Variants in BRWD3 observed in about 807,000 individuals in gnomAD.
BRWD3 encodes the protein bromodomain and WD repeat domain containing 3, also known as bromodomain and WD repeat-containing protein 3.
In BRWD3, 10 loss-of-function variants were observed where a neutral mutation model predicts 149.7. The ratio of observed to expected loss-of-function variants is 0.07; its 90% CI spans 0.04 to 0.11. The LOEUF (loss-of-function observed/expected upper bound fraction) is 0.11. BRWD3 is among the 10% of genes least tolerant of loss of function. The pLI is 1.00. For synonymous variants in BRWD3, 504 were observed against 456.7 expected, an observed-to-expected ratio of 1.10 and a Z score of -1.32; for missense variants, 940 against 1,373.2, an observed-to-expected ratio of 0.68 and a Z score of 4.99.
At chrX:80,724,517 G>A (rs182833269) in intron 15 of BRWD3, among the ~76,000 whole-genome samples, 118 of 111,362 alleles carry the variant, frequency 1.1e-3, no homozygotes, top group Non-Finnish European at 1.6e-3. Flanking sequence ...AAGAACATCC[G>A]TATCTCCAAG....
intron 12 of BRWD3, among the ~76,000 whole-genome samples, chrX:80,732,022 C>T (rs192977574): frequency 9.0e-6 from 1 of 110,918 alleles, no homozygotes; most frequent in East Asian, 2.8e-4. Context: ...CACACCTGGC[C>T]TCTTGTGATG....
In BRWD3 at chrX:80,716,179, T is replaced by C; in HGVS notation, c.2303A>G (p.Lys768Arg). The C allele has an allele frequency of 1.7e-6, 2 of 1,207,653 alleles. No homozygotes were observed. The highest frequency in any genetic ancestry group is 2.2e-6 in the Non-Finnish European group (2 of 892,214). ...ISLYTVEKKK[K>R]PSYTTQRNDY... The stretch of plus-strand genomic sequence containing the variant: ...TACCCTTTGAGTAGTGTAAGATGGC[T>C]TTTTCTTCTTTTCAACTGTATAAAG... The change falls in exon 20 of 41, where the codon AAG (lysine) becomes AGG (arginine). Residue 768 changes from lysine to arginine, a missense_variant. Lys to Arg is a conservative substitution (Grantham distance 26, BLOSUM62 2). Transcript: ENST00000373275.
chrX:80,707,254 G>A (rs769690356), intron 22 of BRWD3, among the ~76,000 whole-genome samples, 173 bp downstream of exon 22: 31 of 113,085 alleles, frequency 2.7e-4, no homozygotes, highest in African/African-American at 9.3e-4. Flanking sequence ...CCACAGTGAC[G>A]TCAGAAAGGT....
In BRWD3 at chrX:80,738,399, C is replaced by T. The variant is rs769196998; in HGVS notation, c.814-2311G>A. 9.0e-5 allele frequency among the ~76,000 whole-genome samples: 10 copies of T among 111,643 alleles called. No individual in the cohort carries two copies. In the South Asian group the frequency reaches 2.2e-3, roughly 25 times the overall value. On this transcript the variant is annotated intron_variant, in intron 8 of 40. Coordinates refer to ENST00000373275, the MANE Select transcript of BRWD3 (RefSeq NM_153252.5). ...GTGGAAAAACAGAAAAAAAGTAACA[C>T]GTAATTCTGCCATTCAGTGGTAACC... is the stretch of plus-strand genomic sequence containing the variant.
intron 6 of BRWD3, among the ~76,000 whole-genome samples, chrX:80,763,289 AGGCTG>A (rs1429419123): frequency 9.0e-6 from 1 of 111,643 alleles, no homozygotes; most frequent in East Asian, 2.8e-4. Flanking sequence ...CTTGTTTCAA[AGGCTG>A]ATCTCTTTGC....
At chrX:80,777,754 C>T (rs958322711) in intron 6 of BRWD3, among the ~76,000 whole-genome samples, 2 of 111,034 alleles carry the variant, frequency 1.8e-5, no homozygotes, top group Admixed American at 9.7e-5. Flanking sequence ...TATCTGTTAC[C>T]TGCAATCATT....
At chrX:80,759,349 T>C (rs1248870976) in intron 6 of BRWD3, among the ~76,000 whole-genome samples, 1 of 111,929 alleles carries the variant, frequency 8.9e-6, no homozygotes, top group Non-Finnish European at 1.9e-5. Context: ...ATTTGCCTAC[T>C]GGGCCATTTC....
intron 4 of BRWD3, among the ~76,000 whole-genome samples, chrX:80,797,520 T>A (rs1012144276): frequency 8.9e-6 from 1 of 111,931 alleles, no homozygotes; most frequent in Non-Finnish European, 1.9e-5. Context: ...CTTAAACTGA[T>A]ATCTTAAGCT....
chrX:80,697,728 T>C (rs972917461), intron 25 of BRWD3, among the ~76,000 whole-genome samples: 2 of 112,204 alleles, frequency 1.8e-5, no homozygotes, highest in Admixed American at 1.9e-4. Flanking sequence ...CTGACGGGCA[T>C]CTAGATTGAT....
rs2073072822 is a variant in BRWD3 at position 80,716,253 on chromosome X, A to G, written c.2232-3T>C. 7 of 1,179,759 alleles carry G rather than the reference A, an allele frequency of 5.9e-6. No homozygotes were observed. The highest frequency in any genetic ancestry group is 8.1e-6 in the Non-Finnish European group (7 of 866,498). On this transcript the variant is annotated splice_polypyrimidine_tract_variant and splice_region_variant and intron_variant, in intron 19 of 40. Coordinates refer to ENST00000373275, the MANE Select transcript of BRWD3 (RefSeq NM_153252.5). ...CAGTTCGACATTCTTCCTGTACCCT[A>G]ATAACAAGTCAAAGGTCAAAGTAAC...
chrX:80,723,697 G>T, intron 16 of BRWD3, 51 bp downstream of exon 16: 1 of 1,188,657 alleles, frequency 8.4e-7, no homozygotes, highest in Non-Finnish European at 1.1e-6. Flanking sequence ...CAAAATTTGT[G>T]AATGACACAA....
intron 4 of BRWD3, 118 bp downstream of exon 4, chrX:80,808,421 G>A (rs1229633553): frequency 2.8e-5 from 15 of 543,536 alleles, no homozygotes; most frequent in Non-Finnish European, 4.6e-5. Context: ...GTCGTTCTTT[G>A]GCTCTGCACC....
In BRWD3 at chrX:80,681,988, CAT is replaced by C. The variant is rs1288367453; in HGVS notation, c.4495+7_4495+8del. 1.7e-5 allele frequency: 20 copies of C among 1,183,957 alleles called. No homozygotes were observed. The highest frequency in any genetic ancestry group is 2.2e-5 in the Admixed American group (1 of 45,835). On this transcript the variant is annotated splice_region_variant and intron_variant, in intron 39 of 40. Transcript: ENST00000373275. Reference sequence around the variant, plus strand: ...GATGCAGAACACCAAAAACAAAAGACATATTTACCAGGAGATGAGAAAGGAGA... The same window carrying C: ...GATGCAGAACACCAAAAACAAAAGACATTTACCAGGAGATGAGAAAGGAGA...
At chrX:80,712,686 T>A (rs1157196143) in intron 20 of BRWD3, among the ~76,000 whole-genome samples, 1 of 103,787 alleles carries the variant, frequency 9.6e-6, no homozygotes, top group Non-Finnish European at 2.0e-5. Flanking sequence ...CCAGCCGCCA[T>A]CCCATCTAGG....
rs1410264501 is a variant in BRWD3 at position 80,809,858 on chromosome X, G to A, written c.-387C>T. 1.1e-5 allele frequency among the ~76,000 whole-genome samples: 1 copy of A among 91,650 alleles called. No homozygotes were observed. Among genetic ancestry groups the A allele is most frequent in the Non-Finnish European group, 2.2e-5 (1 of 45,477 alleles). The allele number at this position is 91,650 out of a possible 115,157, so 79.6% of individuals were successfully genotyped here. A position where few individuals can be genotyped will look rare whatever the true frequency, so the allele number is the denominator to read the frequency against. The stretch of plus-strand genomic sequence containing the variant: ...AGAGAGAGAGAGATAGACGGAGCGA[G>A]AAGAGGGAGGAGCCGAAGTGGCGAA... On this transcript the variant is annotated 5_prime_UTR_variant, in exon 1 of 41. Transcript: ENST00000373275.
At chrX:80,693,944 C>A (rs2147696901) in intron 27 of BRWD3, among the ~76,000 whole-genome samples, 1 of 111,702 alleles carries the variant, frequency 9.0e-6, no homozygotes, top group South Asian at 3.8e-4. Context: ...TAACTAGGAG[C>A]CAAATGTTAG....
chrX:80,731,315 C>G (rs1032105051), intron 12 of BRWD3, among the ~76,000 whole-genome samples: 1 of 111,463 alleles, frequency 9.0e-6, no homozygotes, highest in African/African-American at 3.3e-5. Context: ...ATAATTAAGA[C>G]CACAATAATG....
chrX:80,795,643 G>GGC (rs1165450231), intron 4 of BRWD3, among the ~76,000 whole-genome samples: 2 of 109,850 alleles, frequency 1.8e-5, no homozygotes, highest in African/African-American at 6.6e-5. Context: ...CACTTTGGGA[G>GGC]GCAAAGGTAG....
chrX:80,691,148 T>C lies in BRWD3; in HGVS notation c.3507A>G (p.Pro1169=), dbSNP rs1427983309. The C allele has an allele frequency of 8.3e-7, 1 of 1,208,472 alleles. No homozygotes were observed. Among genetic ancestry groups the C allele is most frequent in the Admixed American group, 2.2e-5 (1 of 45,880 alleles). ...SLDFASPFAV[P]VDLSAYPLYC... ...ACAAGGGGTAGGCACTGAGATCCACTGGAACAGCAAAAGGGCTGGCAAAAT... is the reference window on the plus strand; with the variant it reads ...ACAAGGGGTAGGCACTGAGATCCACCGGAACAGCAAAAGGGCTGGCAAAAT... The change falls in exon 31 of 41, where the codon CCA becomes CCG. Residue 1169 remains proline, a synonymous_variant. Transcript: ENST00000373275.
Sources: allele counts gnomAD v4.1 joint callset (sites outside exome capture counted in the v4.1 genomes callset), GRCh38; gene constraint gnomAD v4.1.1; transcripts MANE v1.5; gene names NCBI Gene and HGNC (gene_info 2026-07-23, HGNC 2026-07-21).